Variants in CPQ observed in about 807,000 individuals in gnomAD.
The protein encoded by CPQ is carboxypeptidase Q, also known as Ser-Met dipeptidase.
A neutral mutation model predicts 45.7 loss-of-function variants in CPQ; 37 were observed. The observed-to-expected ratio is 0.81, with a 90% CI of 0.62 to 1.07. The LOEUF is 1.07. Among genes scored for constraint, CPQ ranks in the 50% least tolerant of loss-of-function variants. The pLI is 0.00. For synonymous variants in CPQ, 186 were observed against 205.8 expected (o/e 0.90, Z 0.82); for missense variants, 537 against 572.9 (o/e 0.94, Z 0.64).
chr8:97,009,132 T>A (rs1809437002), intron 5 of CPQ, among the ~76,000 whole-genome samples: 1 of 152,208 alleles, frequency 6.6e-6, no homozygotes, highest in Admixed American at 6.5e-5. Context: ...AGCCAGACAC[T>A]CTGCATCAGC....
At chr8:97,088,567 GAA>G (rs1811076311) in intron 7 of CPQ, among the ~76,000 whole-genome samples, 1 of 152,286 alleles carries the variant, frequency 6.6e-6, no homozygotes, top group East Asian at 1.9e-4. Flanking sequence ...GTTGAAGAAT[GAA>G]AATGTATCCG....
At chr8:96,725,027 C>T (rs1488375394) in intron 1 of CPQ, among the ~76,000 whole-genome samples, 1 of 152,068 alleles carries the variant, frequency 6.6e-6, no homozygotes, top group Non-Finnish European at 1.5e-5. Flanking sequence ...ACTGGTTAGC[C>T]ATATGCAGAG....
At chr8:96,686,657 AT>A (rs1046137794) in intron 1 of CPQ, among the ~76,000 whole-genome samples, 14 of 151,014 alleles carry the variant, frequency 9.3e-5, no homozygotes, top group South Asian at 2.1e-4. Flanking sequence ...CTATATTTTT[AT>A]TTTTTTTCTG....
intron 3 of CPQ, among the ~76,000 whole-genome samples, chr8:96,875,014 A>G (rs988161282): frequency 6.6e-6 from 1 of 151,826 alleles, no homozygotes; most frequent in African/African-American, 2.4e-5. Context: ...CTTTTTGGTA[A>G]TAGCCATCCT....
At chr8:96,989,449 A>C in intron 5 of CPQ, among the ~76,000 whole-genome samples, 1 of 55,546 alleles carries the variant, frequency 1.8e-5, no homozygotes. Flanking sequence ...AGGGGAGGGG[A>C]GGGGACAGGA....
At chr8:96,896,014 G>C (rs969271850) in intron 4 of CPQ, among the ~76,000 whole-genome samples, 6 of 151,918 alleles carry the variant, frequency 3.9e-5, no homozygotes, top group African/African-American at 1.5e-4. Context: ...AGTTTATACT[G>C]TAAATCTCCA....
intron 2 of CPQ, among the ~76,000 whole-genome samples, chr8:96,793,720 T>C (rs546879258): frequency 6.6e-6 from 1 of 152,192 alleles, no homozygotes; most frequent in Non-Finnish European, 1.5e-5. Flanking sequence ...TGTCCACTTA[T>C]AAGCCTGCAA....
At chr8:97,140,936 G>C (rs1812149413) in intron 7 of CPQ, among the ~76,000 whole-genome samples, 2 of 152,056 alleles carry the variant, frequency 1.3e-5, no homozygotes, top group African/African-American at 4.8e-5. Context: ...CCGTACCGCA[G>C]ATCAGTGGAG....
chr8:96,810,959 G>A (rs574441410), intron 2 of CPQ, among the ~76,000 whole-genome samples: 2 of 152,288 alleles, frequency 1.3e-5, no homozygotes, highest in African/African-American at 4.8e-5. Context: ...TAGACATCTA[G>A]AGAAATGTTA....
chr8:96,908,433 G>A (rs529029904), intron 4 of CPQ, among the ~76,000 whole-genome samples: 1 of 152,088 alleles, frequency 6.6e-6, no homozygotes, highest in African/African-American at 2.4e-5. Flanking sequence ...AAAGCAGATT[G>A]ATAACAGTGA....
intron 4 of CPQ, among the ~76,000 whole-genome samples, chr8:96,948,242 G>T (rs927016824): frequency 1.3e-5 from 2 of 152,052 alleles, no homozygotes; most frequent in African/African-American, 4.8e-5. Flanking sequence ...TCAGTTACAA[G>T]ATGACATTGA....
At chr8:96,855,207 CACAGAA>C (rs367755255) in intron 3 of CPQ, among the ~76,000 whole-genome samples, 262 of 152,272 alleles carry the variant, frequency 1.7e-3, no homozygotes, top group African/African-American at 5.7e-3. Flanking sequence ...AAAATGCCCT[CACAGAA>C]ACATCCAGAA....
intron 7 of CPQ, among the ~76,000 whole-genome samples, chr8:97,087,840 A>G (rs1166870032): frequency 6.6e-6 from 1 of 152,210 alleles, no homozygotes; most frequent in Non-Finnish European, 1.5e-5. Context: ...TAGTTTTAAA[A>G]TGCCTATTTA....
intron 1 of CPQ, among the ~76,000 whole-genome samples, chr8:96,781,003 CT>C (rs1170032348): frequency 6.6e-6 from 1 of 152,084 alleles, no homozygotes; most frequent in African/African-American, 2.4e-5. Flanking sequence ...TTTAAAGGCT[CT>C]GCATGCTGGC....
chr8:96,945,785 G>A (rs1813180960), intron 4 of CPQ, among the ~76,000 whole-genome samples: 1 of 152,086 alleles, frequency 6.6e-6, no homozygotes, highest in African/African-American at 2.4e-5. Context: ...ATATGCCTAG[G>A]GAGAAGTCTC....
Position 96,749,094 on chromosome 8 carries a change from C to A in CPQ, c.-34-35770C>A, listed in dbSNP as rs561690949. Among the ~76,000 whole-genome samples the A allele has an allele frequency of 1.1e-3, 172 of 152,238 alleles. 2 individuals carry two copies. Among genetic ancestry groups the A allele is most frequent in the African/African-American group, 3.9e-3 (164 of 41,548 alleles). ...TAATAATGATTATTCTGTTTATCTC[C>A]TCTCTTCCTCTCTTGCCTCTATGGG... is the stretch of plus-strand genomic sequence containing the variant. On this transcript the variant is annotated intron_variant, in intron 1 of 7. Coordinates refer to ENST00000220763, the MANE Select transcript of CPQ (RefSeq NM_016134.4).
chr8:96,915,431 A>T (rs1410494391), intron 4 of CPQ, among the ~76,000 whole-genome samples: 1 of 152,218 alleles, frequency 6.6e-6, no homozygotes. Flanking sequence ...TATTCTAAAA[A>T]AAAGTTCACT....
chr8:96,843,388 AGAAAG>A (rs1811642392), intron 3 of CPQ, among the ~76,000 whole-genome samples: 1 of 152,162 alleles, frequency 6.6e-6, no homozygotes, highest in Middle Eastern at 3.2e-3. Context: ...AAGAAAGAGA[AGAAAG>A]GAAAGAAAGA....
chr8:97,082,314 G>A (rs1810963667), intron 7 of CPQ, among the ~76,000 whole-genome samples: 1 of 152,076 alleles, frequency 6.6e-6, no homozygotes, highest in Non-Finnish European at 1.5e-5. Context: ...AGCCTCTTTA[G>A]CACAGAACAG....
Sources: allele counts gnomAD v4.1 joint callset (sites outside exome capture counted in the v4.1 genomes callset), GRCh38; gene constraint gnomAD v4.1.1; transcripts MANE v1.5; gene names NCBI Gene and HGNC (gene_info 2026-07-23, HGNC 2026-07-21).